IFT74: variants seen among roughly 807,000 people sequenced by gnomAD.
IFT74 encodes the protein intraflagellar transport 74, also known as intraflagellar transport protein 74 homolog.
A neutral mutation model predicts 96.7 loss-of-function variants in IFT74; 92 were observed. That is an observed-to-expected ratio of 0.95 (90% CI 0.80 to 1.13). IFT74 has a LOEUF of 1.13. Ranked by LOEUF, IFT74 falls within the 50% of genes most tolerant of loss-of-function variation. IFT74 has a pLI of 0.00. For missense variants in IFT74, 811 were observed against 698.2 expected (o/e 1.16, Z -1.82); for synonymous variants, 223 against 213.2 (o/e 1.05, Z -0.40).
intron 8 of IFT74, among the ~76,000 whole-genome samples, chr9:26,997,496 G>T (rs1021316382): frequency 1.3e-5 from 2 of 151,914 alleles, no homozygotes; most frequent in African/African-American, 4.8e-5. Context: ...ACCATACCCA[G>T]CTAATTTTTG....
At chr9:26,991,555 C>G (rs1397071828) in intron 8 of IFT74, among the ~76,000 whole-genome samples, 1 of 152,054 alleles carries the variant, frequency 6.6e-6, no homozygotes, top group Non-Finnish European at 1.5e-5. Flanking sequence ...AAAGTGGTAT[C>G]TTATAAACTC....
chr9:27,005,352 T>A (rs796536833), intron 8 of IFT74, among the ~76,000 whole-genome samples: 11 of 18,948 alleles, frequency 5.8e-4, no homozygotes, highest in South Asian at 7.1e-3. Flanking sequence ...TGAAACCATT[T>A]CCCCCCCCGC....
intron 1 of IFT74, among the ~76,000 whole-genome samples, chr9:26,961,021 G>A (rs1378568129): frequency 6.6e-6 from 1 of 150,624 alleles, no homozygotes; most frequent in African/African-American, 2.4e-5. Flanking sequence ...CTAATTACCA[G>A]CAACCAGGAA....
intron 12 of IFT74, among the ~76,000 whole-genome samples, chr9:27,027,263 G>A (rs2131639318): frequency 6.6e-6 from 1 of 152,008 alleles, no homozygotes; most frequent in Middle Eastern, 3.4e-3. Flanking sequence ...ATTAAAGTAG[G>A]AAGAAATAGA....
At chr9:26,957,856 C>A (rs901262539) in intron 1 of IFT74, among the ~76,000 whole-genome samples, 4 of 151,640 alleles carry the variant, frequency 2.6e-5, no homozygotes, top group Non-Finnish European at 4.4e-5. Context: ...TGCAGTGGCG[C>A]GATCTCGGCT....
chr9:27,053,934 A>C (rs1820045468), intron 16 of IFT74, among the ~76,000 whole-genome samples: 3 of 152,240 alleles, frequency 2.0e-5, no homozygotes, highest in Non-Finnish European at 4.4e-5. Context: ...AGAATCCAAC[A>C]AAACAAAACT....
intron 8 of IFT74, among the ~76,000 whole-genome samples, chr9:26,992,622 G>C (rs1260206248): frequency 6.6e-6 from 1 of 152,110 alleles, no homozygotes; most frequent in Non-Finnish European, 1.5e-5. Flanking sequence ...GAACCCAGGA[G>C]GCGGAGGGTT....
intron 2 of IFT74, among the ~76,000 whole-genome samples, chr9:26,970,460 A>G (rs142323424): frequency 4.7e-4 from 72 of 152,332 alleles, no homozygotes; most frequent in Middle Eastern, 3.4e-3. Flanking sequence ...TATATTATGA[A>G]TATGTGGCCA....
At chr9:27,000,823 G>A (rs1245030822) in intron 8 of IFT74, among the ~76,000 whole-genome samples, 1 of 151,962 alleles carries the variant, frequency 6.6e-6, no homozygotes, top group Non-Finnish European at 1.5e-5. Context: ...CATGTACCCC[G>A]GAACTTAAAA....
At chr9:26,962,207 T>A (rs1826397919) in intron 2 of IFT74, 120 bp downstream of exon 2, 2 of 866,262 alleles carry the variant, frequency 2.3e-6, no homozygotes, top group Non-Finnish European at 3.5e-6. Flanking sequence ...TTTGAGTTTT[T>A]GAGACTGTCT....
intron 13 of IFT74, among the ~76,000 whole-genome samples, chr9:27,031,732 TAAATA>T (rs199561580): frequency 0.19 from 24,490 of 127,744 alleles, 2,371 homozygotes; most frequent in Middle Eastern, 0.25. Context: ...AATAAAATAA[TAAATA>T]AAATAAAATA....
intron 8 of IFT74, chr9:26,995,591 A>G: frequency 6.2e-7 from 1 of 1,604,332 alleles, no homozygotes; most frequent in South Asian, 1.1e-5. Flanking sequence ...ATCTACCACA[A>G]ATGAATGTAA....
At chr9:27,008,681 A>G (rs889918737) in intron 8 of IFT74, among the ~76,000 whole-genome samples, 1 of 152,154 alleles carries the variant, frequency 6.6e-6, no homozygotes, top group Non-Finnish European at 1.5e-5. Flanking sequence ...TTTTGAAGGT[A>G]TAACTTTAAA....
chr9:27,030,472 C>G (rs946321022), intron 13 of IFT74, among the ~76,000 whole-genome samples: 1 of 143,772 alleles, frequency 7.0e-6, no homozygotes, highest in African/African-American at 2.6e-5. Flanking sequence ...GGCTTGAACC[C>G]AGGAGGCGGA....
intron 2 of IFT74, among the ~76,000 whole-genome samples, chr9:26,972,701 A>T (rs988326681): frequency 6.6e-6 from 1 of 152,096 alleles, no homozygotes; most frequent in African/African-American, 2.4e-5. Context: ...AATCCTAAAA[A>T]TTTTTTTGGT....
chr9:26,986,522 GC>G (rs1304018280), intron 6 of IFT74, among the ~76,000 whole-genome samples: 1 of 151,970 alleles, frequency 6.6e-6, no homozygotes, highest in Non-Finnish European at 1.5e-5. Flanking sequence ...TGGCCTTGTT[GC>G]CCATACTGGT....
At chr9:27,036,549 T>C in intron 13 of IFT74, 2 of 1,610,128 alleles carry the variant, frequency 1.2e-6, no homozygotes, top group South Asian at 1.1e-5. Flanking sequence ...CTGAATCCAT[T>C]TGAACTGAAG....
At chr9:27,036,313 G>A (rs1000701613) in intron 13 of IFT74, 1 of 1,244,952 alleles carries the variant, frequency 8.0e-7, no homozygotes. Context: ...GTATTTCCCA[G>A]AGAATGTATA....
At position 27,029,053 on chromosome 9, in the gene IFT74, C is replaced by A. The variant is rs571708471; in HGVS notation, c.1003C>A (p.Gln335Lys). ...AACAGATACAAAAGAAAAGATAAAT[C>A]AGTTTATTGAAGAAATTAGACAACT... ...QLTDTKEKIN[Q>K]FIEEIRQLDM... The change falls in exon 13 of 20, where the codon CAG (glutamine) becomes AAG (lysine). Residue 335 changes from glutamine to lysine, a missense_variant. Gln to Lys is a moderately conservative substitution (Grantham distance 53). Transcript: ENST00000380062. 9 of 1,600,912 alleles carry A rather than the reference C, an allele frequency of 5.6e-6. No individual in the cohort carries two copies. The East Asian group carries it at 2.0e-4, about 36-fold the overall frequency.
Sources: gnomAD v4.1 joint callset for allele counts (sites outside exome capture counted in the v4.1 genomes callset) on GRCh38, gnomAD v4.1.1 for gene constraint, MANE v1.5 for transcripts, NCBI Gene and HGNC (gene_info 2026-07-23, HGNC 2026-07-21) for gene names.